The following ASTN2 variants were observed in gnomAD, a reference collection of about 807,000 sequenced individuals.
ASTN2 encodes the protein astrotactin-2.
Under a neutral mutation model 139.8 loss-of-function variants are expected in ASTN2, and 54 were observed. The ratio of observed to expected loss-of-function variants is 0.39; its 90% CI spans 0.31 to 0.48. The LOEUF (loss-of-function observed/expected upper bound fraction) is 0.48. Among genes scored for constraint, ASTN2 ranks in the 20% least tolerant of loss-of-function variants. The pLI is 0.95. For missense variants in ASTN2, 1,565 were observed against 1,725.1 expected (o/e 0.91, Z 1.64); for synonymous variants, 756 against 719.5 (o/e 1.05, Z -0.81).
chr9:117,371,987 G>A (rs1024065933), intron 1 of ASTN2, among the ~76,000 whole-genome samples: 1 of 152,100 alleles, frequency 6.6e-6, no homozygotes, highest in African/African-American at 2.4e-5. Flanking sequence ...CACCCGAAAG[G>A]AGCTTCCCTT....
intron 22 of ASTN2, chr9:116,437,270 A>G (rs1456700707): frequency 1.7e-5 from 8 of 470,404 alleles, no homozygotes; most frequent in Non-Finnish European, 3.5e-5. Context: ...AGGGCCAGAA[A>G]GCGGCAGAGC....
intron 1 of ASTN2, among the ~76,000 whole-genome samples, chr9:117,403,183 T>C (rs1830886522): frequency 6.6e-6 from 1 of 152,232 alleles, no homozygotes; most frequent in African/African-American, 2.4e-5. Flanking sequence ...GCCTGAGGTC[T>C]ACCGTGATTC....
chr9:116,817,699 A>C (rs554997441), intron 12 of ASTN2, among the ~76,000 whole-genome samples: 4 of 152,344 alleles, frequency 2.6e-5, no homozygotes, highest in Non-Finnish European at 4.4e-5. Flanking sequence ...AAAGTAGTAA[A>C]CAAGAGATAA....
chr9:117,409,550 G>A (rs1049040910), intron 1 of ASTN2, among the ~76,000 whole-genome samples: 2 of 152,180 alleles, frequency 1.3e-5, no homozygotes, highest in Non-Finnish European at 2.9e-5. Flanking sequence ...CTCCTGTAGG[G>A]CTCAGCTCTA....
At chr9:117,261,887 A>G (rs1833830346) in intron 2 of ASTN2, among the ~76,000 whole-genome samples, 1 of 152,234 alleles carries the variant, frequency 6.6e-6, no homozygotes, top group Non-Finnish European at 1.5e-5. Flanking sequence ...TTTCCACTAG[A>G]GAACTTTGTC....
chr9:117,274,097 T>A (rs563853899), intron 2 of ASTN2, among the ~76,000 whole-genome samples: 2 of 152,194 alleles, frequency 1.3e-5, no homozygotes, highest in Admixed American at 1.3e-4. Context: ...ACGCCTGTAA[T>A]CCCAGCACTT....
chr9:116,717,155 G>T (rs1191497502), intron 16 of ASTN2, among the ~76,000 whole-genome samples: 1 of 152,176 alleles, frequency 6.6e-6, no homozygotes, highest in East Asian at 1.9e-4. Flanking sequence ...GAGTAAACTG[G>T]ATGAAATAAT....
chr9:117,101,062 C>A (rs186377200), intron 4 of ASTN2, among the ~76,000 whole-genome samples: 2 of 152,326 alleles, frequency 1.3e-5, no homozygotes, highest in African/African-American at 4.8e-5. Flanking sequence ...TGTAAACATT[C>A]TGCACAAAGA....
chr9:116,495,219 TG>T lies in ASTN2; in HGVS notation c.3356-7720del, dbSNP rs1257620719. Among the ~76,000 whole-genome samples the T allele has an allele frequency of 2.0e-5, 3 of 152,368 alleles. No homozygotes were observed. In the East Asian group the frequency reaches 5.8e-4, roughly 29 times the overall value. ...GAGACTTCAGGCTCATCCTCATGCCTGCCCTCTAGTGGACACCTGTTGGTTT... is the reference window on the plus strand; with the variant it reads ...GAGACTTCAGGCTCATCCTCATGCCTCCCTCTAGTGGACACCTGTTGGTTT... On this transcript the variant is annotated intron_variant, in intron 19 of 22. Coordinates refer to ENST00000313400, the MANE Select transcript of ASTN2 (RefSeq NM_001365068.1).
At chr9:116,897,756 G>C (rs1377636073) in intron 10 of ASTN2, among the ~76,000 whole-genome samples, 1 of 151,914 alleles carries the variant, frequency 6.6e-6, no homozygotes, top group Non-Finnish European at 1.5e-5. Context: ...TATATAGTCT[G>C]ACACCATTTA....
At chr9:116,830,176 TAAAC>T (rs1428251608) in intron 11 of ASTN2, among the ~76,000 whole-genome samples, 1 of 152,042 alleles carries the variant, frequency 6.6e-6, no homozygotes, top group Non-Finnish European at 1.5e-5. Flanking sequence ...GCAAAAGACA[TAAAC>T]AGACACTTCT....
At position 116,771,573 on chromosome 9, in the gene ASTN2, C is replaced by CATGA. The variant is rs542107463; in HGVS notation, c.2396+34055_2396+34058dup. Among the ~76,000 whole-genome samples, 375 of 152,206 alleles carry CATGA rather than the reference C, an allele frequency of 2.5e-3. 2 individuals are homozygous for CATGA. The highest frequency in any genetic ancestry group is 5.8e-3 in the African/African-American group (242 of 41,514). On this transcript the variant is annotated intron_variant, in intron 13 of 22. Coordinates refer to ENST00000313400, the MANE Select transcript of ASTN2 (RefSeq NM_001365068.1). ...CAGAATCTGGCACATAGTAGGAGCTCATGAATGAATGAATGAATGAATGAA... is the reference window on the plus strand; with the variant it reads ...CAGAATCTGGCACATAGTAGGAGCTCATGAATGAATGAATGAATGAATGAATGAA...
intron 17 of ASTN2, among the ~76,000 whole-genome samples, chr9:116,643,909 G>GTAGC (rs1857463063): frequency 6.6e-6 from 1 of 152,164 alleles, no homozygotes; most frequent in Non-Finnish European, 1.5e-5. Context: ...AGTAATTATA[G>GTAGC]TAGCATATGT....
At chr9:116,577,694 G>A (rs1228583029) in intron 19 of ASTN2, among the ~76,000 whole-genome samples, 2 of 152,196 alleles carry the variant, frequency 1.3e-5, no homozygotes, top group Non-Finnish European at 2.9e-5. Context: ...CTGAACAAGT[G>A]ATGTTAGTTA....
At chr9:116,936,673 T>G (rs2132462356) in intron 10 of ASTN2, among the ~76,000 whole-genome samples, 1 of 152,216 alleles carries the variant, frequency 6.6e-6, no homozygotes, top group African/African-American at 2.4e-5. Flanking sequence ...GCTGTAAAGT[T>G]TGGGTTTTCT....
intron 16 of ASTN2, among the ~76,000 whole-genome samples, chr9:116,721,045 A>C (rs1828458857): frequency 6.6e-6 from 1 of 152,204 alleles, no homozygotes; most frequent in Non-Finnish European, 1.5e-5. Context: ...CTGGGAACAC[A>C]GTAATCGAAG....
At chr9:117,145,581 C>T (rs145473295) in intron 3 of ASTN2, among the ~76,000 whole-genome samples, 152 of 152,300 alleles carry the variant, frequency 1.0e-3, no homozygotes, top group Non-Finnish European at 1.7e-3. Context: ...CCCTTTTCCA[C>T]AGTCCCAGTT....
At chr9:116,744,021 TA>T (rs1829168335) in intron 13 of ASTN2, among the ~76,000 whole-genome samples, 1 of 152,068 alleles carries the variant, frequency 6.6e-6, no homozygotes, top group African/African-American at 2.4e-5. Flanking sequence ...AAACTTAATG[TA>T]GACTGAGGAG....
At chr9:116,733,715 G>A (rs1828848047) in intron 13 of ASTN2, among the ~76,000 whole-genome samples, 192 bp from the exon 14 acceptor site, 1 of 152,148 alleles carries the variant, frequency 6.6e-6, no homozygotes, top group Non-Finnish European at 1.5e-5. Flanking sequence ...CAGGCAGGCT[G>A]GGGTTCAAAT....
Sources: allele counts gnomAD v4.1 joint callset (sites outside exome capture counted in the v4.1 genomes callset), GRCh38; gene constraint gnomAD v4.1.1; transcripts MANE v1.5; gene names NCBI Gene and HGNC (gene_info 2026-07-23, HGNC 2026-07-21).